Variants in KCTD16 observed in about 807,000 individuals in gnomAD.
KCTD16 encodes the protein BTB/POZ domain-containing protein KCTD16.
Under a neutral mutation model 33.2 loss-of-function variants are expected in KCTD16, and 13 were observed. The ratio of observed to expected loss-of-function variants is 0.39; its 90% CI spans 0.25 to 0.62. The LOEUF is 0.62. Ranked by LOEUF, KCTD16 falls within the 20% of genes least tolerant of loss-of-function variation. The pLI, the probability that KCTD16 is intolerant of heterozygous loss-of-function variation, is 0.50. For missense variants in KCTD16, 441 were observed against 525.1 expected (o/e 0.84, Z 1.57); for synonymous variants, 197 against 195.3 (o/e 1.01, Z -0.07).
chr5:144,224,021 G>A (rs1051957279), intron 3 of KCTD16, among the ~76,000 whole-genome samples: 2 of 151,806 alleles, frequency 1.3e-5, no homozygotes, highest in Admixed American at 6.6e-5. Context: ...TTGGCTTTTT[G>A]CATTTTTGTT....
chr5:144,326,302 A>G (rs1256376442), intron 3 of KCTD16, among the ~76,000 whole-genome samples: 1 of 152,166 alleles, frequency 6.6e-6, no homozygotes. Context: ...TGAGAGGGTA[A>G]TAGTAAATAC....
chr5:144,338,944 G>C (rs1190163360), intron 3 of KCTD16, among the ~76,000 whole-genome samples: 1 of 152,190 alleles, frequency 6.6e-6, no homozygotes, highest in Non-Finnish European at 1.5e-5. Flanking sequence ...TAACAAAAAA[G>C]ATGTTAGCAT....
intron 2 of KCTD16, among the ~76,000 whole-genome samples, chr5:144,197,947 C>A (rs1233636474): frequency 6.6e-6 from 1 of 152,176 alleles, no homozygotes; most frequent in African/African-American, 2.4e-5. Flanking sequence ...AAACTCTGAT[C>A]TCTTACTCTT....
intron 3 of KCTD16, among the ~76,000 whole-genome samples, chr5:144,425,697 G>A (rs1418448878): frequency 6.6e-6 from 1 of 151,974 alleles, no homozygotes; most frequent in African/African-American, 2.4e-5. Flanking sequence ...GGACTCACTT[G>A]AGCCATGACT....
chr5:144,266,942 C>A (rs1223987224), intron 3 of KCTD16, among the ~76,000 whole-genome samples: 1 of 152,112 alleles, frequency 6.6e-6, no homozygotes, highest in East Asian at 1.9e-4. Context: ...TTGGCCAAAG[C>A]CTCTTATTCG....
At chr5:144,291,445 G>A (rs1004093007) in intron 3 of KCTD16, among the ~76,000 whole-genome samples, 7 of 151,974 alleles carry the variant, frequency 4.6e-5, no homozygotes, top group Non-Finnish European at 1.0e-4. Flanking sequence ...TACTAATATG[G>A]CACACAACAT....
intron 3 of KCTD16, among the ~76,000 whole-genome samples, chr5:144,213,184 G>A (rs1753450455): frequency 6.6e-6 from 1 of 151,874 alleles, no homozygotes; most frequent in African/African-American, 2.4e-5. Context: ...GAATCAAGAT[G>A]CAAATGAAAT....
At position 144,307,977 on chromosome 5, in the gene KCTD16, C is replaced by T. The variant is rs143614172; in HGVS notation, c.832+100431C>T. Among the ~76,000 whole-genome samples, 29 of 152,198 alleles carry T rather than the reference C, an allele frequency of 1.9e-4. 1 individual carries two copies. The highest frequency in any genetic ancestry group is 1.4e-3 in the Admixed American group (22 of 15,282). On this transcript the variant is annotated intron_variant, in intron 3 of 3. Coordinates refer to ENST00000512467, the MANE Select transcript of KCTD16 (RefSeq NM_020768.4). ...TTTGCCATGCTAAGGAAAGAACAGCCGAATGTTAACCAGCACATTAATCAT... is the reference window on the plus strand; with the variant it reads ...TTTGCCATGCTAAGGAAAGAACAGCTGAATGTTAACCAGCACATTAATCAT...
At chr5:144,185,718 T>G (rs1218726026) in intron 2 of KCTD16, among the ~76,000 whole-genome samples, 4 of 152,134 alleles carry the variant, frequency 2.6e-5, no homozygotes, top group Admixed American at 2.6e-4. Flanking sequence ...GGAGCTTTTT[T>G]GCATTAGGAA....
intron 3 of KCTD16, among the ~76,000 whole-genome samples, chr5:144,318,822 A>G (rs1751996334): frequency 1.3e-5 from 2 of 152,204 alleles, no homozygotes; most frequent in African/African-American, 4.8e-5. Context: ...CCACCACCTC[A>G]TGGGTTTACA....
At chr5:144,430,736 A>G (rs1407699074) in intron 3 of KCTD16, among the ~76,000 whole-genome samples, 1 of 152,108 alleles carries the variant, frequency 6.6e-6, no homozygotes, top group Non-Finnish European at 1.5e-5. Flanking sequence ...CATGTGACAG[A>G]TGATGCATTT....
chr5:144,454,184 G>T (rs1019488805), intron 3 of KCTD16, among the ~76,000 whole-genome samples: 2 of 152,062 alleles, frequency 1.3e-5, no homozygotes, highest in Non-Finnish European at 2.9e-5. Context: ...GTATTATTTT[G>T]CTGCGTAACT....
intron 3 of KCTD16, among the ~76,000 whole-genome samples, chr5:144,341,160 C>T (rs190386024): frequency 6.2e-4 from 95 of 152,254 alleles, no homozygotes; most frequent in African/African-American, 2.2e-3. Context: ...GTTGTTTAGC[C>T]ATGCAATATA....
chr5:144,245,847 G>A (rs1459684380), intron 3 of KCTD16, among the ~76,000 whole-genome samples: 2 of 152,134 alleles, frequency 1.3e-5, no homozygotes, highest in African/African-American at 4.8e-5. Flanking sequence ...CTCCCCAGAA[G>A]CAAATGCTGC....
intron 3 of KCTD16, among the ~76,000 whole-genome samples, chr5:144,299,120 A>C (rs1469273470): frequency 4.8e-5 from 1 of 20,990 alleles, no homozygotes; most frequent in Non-Finnish European, 8.3e-5. Context: ...ATATATATAT[A>C]TATATATATA....
intron 2 of KCTD16, among the ~76,000 whole-genome samples, chr5:144,175,739 G>A (rs1346367775): frequency 6.6e-6 from 1 of 152,162 alleles, no homozygotes. Flanking sequence ...AAGCAAGATA[G>A]GAGTATTCAT....
intron 3 of KCTD16, among the ~76,000 whole-genome samples, chr5:144,413,654 C>G (rs758222460): frequency 6.6e-6 from 1 of 152,044 alleles, no homozygotes; most frequent in Non-Finnish European, 1.5e-5. Context: ...AAAAACGATT[C>G]GTTAGTTATC....
At chr5:144,394,963 G>A (rs1052551659) in intron 3 of KCTD16, among the ~76,000 whole-genome samples, 5 of 152,180 alleles carry the variant, frequency 3.3e-5, no homozygotes, top group Non-Finnish European at 7.3e-5. Context: ...AGTTATAGCC[G>A]GAAACTAGTC....
intron 3 of KCTD16, among the ~76,000 whole-genome samples, chr5:144,257,240 A>G (rs564887358): frequency 3.9e-5 from 6 of 152,034 alleles, no homozygotes; most frequent in Non-Finnish European, 8.8e-5. Context: ...ATTCTAGAAC[A>G]CTCTTGTCAC....
Sources: allele counts gnomAD v4.1 joint callset (sites outside exome capture counted in the v4.1 genomes callset), GRCh38; gene constraint gnomAD v4.1.1; transcripts MANE v1.5; gene names NCBI Gene and HGNC (gene_info 2026-07-23, HGNC 2026-07-21).